Variants in CNTN4 observed in about 807,000 individuals in gnomAD.
CNTN4 encodes the protein contactin 4, also known as contactin-4.
CNTN4 carries 77 observed loss-of-function variants against 122.5 expected under a neutral mutation model. The observed-to-expected ratio is 0.63, with a 90% CI of 0.52 to 0.76. CNTN4 has a LOEUF of 0.76. Among genes scored for constraint, CNTN4 ranks in the 30% least tolerant of loss-of-function variants. The pLI, the probability that CNTN4 is intolerant of heterozygous loss-of-function variation, is 0.00. For synonymous variants in CNTN4, 512 were observed against 447.0 expected (o/e 1.15, Z -1.83); for missense variants, 1,256 against 1,259.1 (o/e 1.00, Z 0.04).
chr3:2,393,584 C>T (rs13067318), intron 3 of CNTN4, among the ~76,000 whole-genome samples: 76,274 of 151,894 alleles, frequency 0.5, 19,554 homozygotes, highest in African/African-American at 0.57. Context: ...TATGTGTGTA[C>T]GGGCCTAACA....
At chr3:2,352,689 T>C (rs2044683414) in intron 3 of CNTN4, among the ~76,000 whole-genome samples, 1 of 152,196 alleles carries the variant, frequency 6.6e-6, no homozygotes, top group South Asian at 2.1e-4. Context: ...GGCTCCGGCA[T>C]GGCTGGAGCC....
intron 4 of CNTN4, among the ~76,000 whole-genome samples, chr3:2,596,556 AATAG>A (rs1271447448): frequency 3.9e-5 from 6 of 152,096 alleles, no homozygotes; most frequent in Non-Finnish European, 5.9e-5. Context: ...ATACATATAT[AATAG>A]ATAATATATA....
intron 3 of CNTN4, among the ~76,000 whole-genome samples, chr3:2,391,152 C>T (rs969825410): frequency 9.9e-5 from 15 of 152,086 alleles, no homozygotes; most frequent in Non-Finnish European, 1.8e-4. Flanking sequence ...GGCCAGAATC[C>T]GAGAAGCACC....
chr3:2,131,603 T>A (rs1338222177), intron 2 of CNTN4, among the ~76,000 whole-genome samples: 2 of 152,210 alleles, frequency 1.3e-5, no homozygotes, highest in African/African-American at 4.8e-5. Flanking sequence ...GAAAATTGAT[T>A]GCTGTCAGCA....
intron 3 of CNTN4, among the ~76,000 whole-genome samples, chr3:2,345,934 C>G (rs564146074): frequency 4.0e-4 from 61 of 152,110 alleles, no homozygotes; most frequent in Non-Finnish European, 7.4e-4. Flanking sequence ...ATTAAATTTG[C>G]CTGAGATTTC....
chr3:2,661,265 G>A (rs1234539693), intron 4 of CNTN4, among the ~76,000 whole-genome samples: 1 of 152,154 alleles, frequency 6.6e-6, no homozygotes, highest in African/African-American at 2.4e-5. Context: ...CCCAAAGCCA[G>A]GCAGCCCCAA....
At chr3:2,445,318 G>A (rs911369269) in intron 3 of CNTN4, among the ~76,000 whole-genome samples, 12 of 152,036 alleles carry the variant, frequency 7.9e-5, no homozygotes, top group African/African-American at 2.9e-4. Flanking sequence ...CATATTCTTG[G>A]GATTCCTCTC....
chr3:2,785,903 C>CCT (rs1388349990), intron 6 of CNTN4, among the ~76,000 whole-genome samples: 1 of 130,326 alleles, frequency 7.7e-6, no homozygotes, highest in Non-Finnish European at 1.7e-5. Flanking sequence ...CTGCCCCCCC[C>CCT]CGCCCCCCCA....
intron 4 of CNTN4, among the ~76,000 whole-genome samples, chr3:2,698,487 GCCTTGTA>G (rs1057317328): frequency 2.6e-5 from 4 of 152,074 alleles, no homozygotes; most frequent in African/African-American, 9.7e-5. Flanking sequence ...AAGGCACTGA[GCCTTGTA>G]CTTATTTTAC....
intron 4 of CNTN4, among the ~76,000 whole-genome samples, chr3:2,729,374 C>T (rs946602271): frequency 1.9e-4 from 29 of 149,578 alleles, no homozygotes; most frequent in Non-Finnish European, 3.2e-4. Flanking sequence ...ACCATCCCGG[C>T]TAACACAAAA....
chr3:2,987,304 T>C (rs80027201), intron 13 of CNTN4, among the ~76,000 whole-genome samples: 3,499 of 152,290 alleles, frequency 0.023, 137 homozygotes, highest in African/African-American at 0.078. Flanking sequence ...GCAAGAAATT[T>C]TTTCAGAATG....
chr3:2,886,353 C>T (rs192512598), intron 9 of CNTN4, among the ~76,000 whole-genome samples: 14 of 144,798 alleles, frequency 9.7e-5, no homozygotes, highest in South Asian at 4.5e-4. Context: ...GCCAAGATTG[C>T]GCCACTGCAA....
intron 2 of CNTN4, among the ~76,000 whole-genome samples, chr3:2,253,011 A>G (rs2040435764): frequency 6.6e-6 from 1 of 152,128 alleles, no homozygotes; most frequent in South Asian, 2.1e-4. Context: ...AATGAAAAAA[A>G]CCAATATGAA....
Position 2,457,571 on chromosome 3 carries a change from A to G in CNTN4, c.-88-113845A>G, listed in dbSNP as rs770564501. Among the ~76,000 whole-genome samples the G allele has an allele frequency of 3.6e-4, 55 of 152,104 alleles. 2 individuals carry two copies. Among genetic ancestry groups the G allele is most frequent in the Admixed American group, 3.1e-3 (47 of 15,252 alleles). Reference sequence around the variant, plus strand: ...TGCTTGTTCCAGATGTGTTCTGACAATGGTTGGGCGCAGATTCCCATTTAT... The same window carrying G: ...TGCTTGTTCCAGATGTGTTCTGACAGTGGTTGGGCGCAGATTCCCATTTAT... On this transcript the variant is annotated intron_variant, in intron 3 of 24. Coordinates refer to ENST00000418658, the MANE Select transcript of CNTN4 (RefSeq NM_175607.3).
At chr3:2,170,817 C>T (rs1372399571) in intron 2 of CNTN4, among the ~76,000 whole-genome samples, 4 of 152,004 alleles carry the variant, frequency 2.6e-5, no homozygotes, top group African/African-American at 9.7e-5. Flanking sequence ...AGAAATAGAA[C>T]AAACCGTAGT....
Position 2,279,058 on chromosome 3 carries a change from A to G in CNTN4, c.-144-60120A>G, listed in dbSNP as rs1523318. Among the ~76,000 whole-genome samples, 395 of 152,092 alleles carry G rather than the reference A, an allele frequency of 2.6e-3. 2 individuals are homozygous for G. The highest frequency in any genetic ancestry group is 4.4e-3 in the Non-Finnish European group (299 of 68,030). ...TGCAAGCCTAGAGAGATTACCTTCC[A>G]CATAAGCTTAATACCTGGCCTAAGT... On this transcript the variant is annotated intron_variant, in intron 2 of 24. Transcript: ENST00000418658.
chr3:2,342,458 ATATAT>A (rs1206714180), intron 3 of CNTN4, among the ~76,000 whole-genome samples: 11 of 152,192 alleles, frequency 7.2e-5, no homozygotes, highest in African/African-American at 2.4e-4. Context: ...ACCAAAGGTC[ATATAT>A]TATATGATTC....
intron 4 of CNTN4, among the ~76,000 whole-genome samples, chr3:2,586,922 T>G (rs977455951): frequency 6.6e-6 from 1 of 152,196 alleles, no homozygotes; most frequent in Non-Finnish European, 1.5e-5. Context: ...TACTCTGGTA[T>G]GTTCTTTCTC....
chr3:2,490,576 T>C (rs1350443353), intron 3 of CNTN4, among the ~76,000 whole-genome samples: 2 of 152,228 alleles, frequency 1.3e-5, no homozygotes, highest in African/African-American at 4.8e-5. Context: ...TCCTCCTTTA[T>C]GCTAATGCAG....
Sources: allele counts gnomAD v4.1 joint callset (sites outside exome capture counted in the v4.1 genomes callset), GRCh38; gene constraint gnomAD v4.1.1; transcripts MANE v1.5; gene names NCBI Gene and HGNC (gene_info 2026-07-23, HGNC 2026-07-21).